PDPR: variants seen among roughly 807,000 people sequenced by gnomAD.
The protein encoded by PDPR is pyruvate dehydrogenase phosphatase regulatory subunit, mitochondrial.
A neutral mutation model predicts 102.2 loss-of-function variants in PDPR; 50 were observed. That is an observed-to-expected ratio of 0.49 (90% confidence interval 0.39 to 0.62). PDPR has a LOEUF of 0.62. Among genes scored for constraint, PDPR ranks in the 20% least tolerant of loss-of-function variants. The pLI is 0.00. For synonymous variants in PDPR, 259 were observed against 406.0 expected (o/e 0.64, Z 4.35); for missense variants, 625 against 1,098.2 (o/e 0.57, Z 6.09).
At position 70,120,669 on chromosome 16, in the gene PDPR, T is replaced by C. The variant is rs1185868713; in HGVS notation, c.177T>C (p.Tyr59=). Residue 59 remains tyrosine (Y), a synonymous_variant, in exon 3 of 19, where the codon TAT becomes TAC. Coordinates refer to ENST00000288050, the MANE Select transcript of PDPR (RefSeq NM_017990.5). ...GAATCACGGGCACTTCTGTGGCCTA[T>C]CACCTCTCCAAAATGGGGTGGAAGG... ...GGGITGTSVA[Y]HLSKMGWKDI... is the part of the protein sequence containing the mutation. 1.9e-5 allele frequency: 30 copies of C among 1,613,718 alleles called. No homozygotes were observed. Among genetic ancestry groups the C allele is most frequent in the Non-Finnish European group, 2.5e-5 (29 of 1,179,786 alleles).
chr16:70,153,476 T>A lies in PDPR; in HGVS notation c.2138T>A (p.Leu713His). 6.2e-7 allele frequency: 1 copy of A among 1,613,592 alleles called. No homozygotes were observed. Among genetic ancestry groups the A allele is most frequent in the Non-Finnish European group, 8.5e-7 (1 of 1,179,736 alleles). Residue 713 changes from leucine to histidine, a missense_variant, in exon 18 of 19, where the codon CTC becomes CAC. Leu to His is a moderately conservative substitution (Grantham distance 99). Coordinates refer to ENST00000288050, the MANE Select transcript of PDPR (RefSeq NM_017990.5). ...RNAGYYALRS[L>H]RIEKFFAFWG... ...GCTGGGTATTACGCTCTTCGCAGTC[T>A]CCGAATTGAGAAGTTTTTTGCCTTC...
chr16:70,162,642 A>G (rs542340300), downstream of PDPR: 77 of 152,960 alleles, frequency 5.0e-4, 1 homozygote, highest in African/African-American at 1.8e-3. Flanking sequence ...TGTGTGTACC[A>G]GTGTGAGGGA....
intron 2 of PDPR, among the ~76,000 whole-genome samples, chr16:70,119,482 C>A (rs1597288001): frequency 1.3e-5 from 2 of 149,978 alleles, no homozygotes; most frequent in South Asian, 4.2e-4. Context: ...CTGTGTGTAA[C>A]TGGCTTCCGC....
rs1264759811 is a variant in PDPR, at chr16:70,143,081, G to A, written c.1605+395G>A. On this transcript the variant is annotated intron_variant, in intron 13 of 18. Transcript: ENST00000288050. ...ATGGTGGCGGGCACTTGTAATCCCA[G>A]CTACTCGGGAGGCAGGAGAATCGCG... 4.6e-5 allele frequency among the ~76,000 whole-genome samples: 7 copies of A among 152,352 alleles called. No homozygotes were observed. In the East Asian group the frequency reaches 1.4e-3, roughly 29 times the overall value.
intron 17 of PDPR, 107 bp from the exon 18 acceptor site, chr16:70,153,284 C>A: frequency 8.1e-7 from 1 of 1,234,484 alleles, no homozygotes; most frequent in Non-Finnish European, 1.1e-6. Flanking sequence ...TTTTATACGC[C>A]TCCTCTCTTG....
At position 70,138,737 on chromosome 16, in the gene PDPR, C is replaced by G. The variant is rs1431303964; in HGVS notation, c.1191-162C>G. Among the ~76,000 whole-genome samples the G allele has an allele frequency of 2.6e-5, 4 of 152,358 alleles. No homozygotes were observed. In the East Asian group the frequency reaches 7.7e-4, roughly 29 times the overall value. ...AGTCTTTTGAGAGCAGTACACAGAC[C>G]CATGTTCGTTTCTTCCAGAAAAGTT... On this transcript the variant is annotated intron_variant, in intron 10 of 18. Coordinates refer to ENST00000288050, the MANE Select transcript of PDPR (RefSeq NM_017990.5).
intron 17 of PDPR, among the ~76,000 whole-genome samples, chr16:70,149,659 G>A (rs973275714): frequency 1.6e-4 from 25 of 152,358 alleles, no homozygotes; most frequent in Non-Finnish European, 3.1e-4. Context: ...TAACAGTGGC[G>A]TAGCATTCCA....
intron 10 of PDPR, among the ~76,000 whole-genome samples, chr16:70,137,508 C>T (rs1395371547): frequency 3.3e-5 from 5 of 152,282 alleles, no homozygotes; most frequent in South Asian, 2.1e-4. Flanking sequence ...TTGCCAGAGG[C>T]GGGGGAGGGG....
At chr16:70,148,249 A>C (rs1966398334) in intron 16 of PDPR, among the ~76,000 whole-genome samples, 1 of 152,246 alleles carries the variant, frequency 6.6e-6, no homozygotes, top group South Asian at 2.1e-4. Flanking sequence ...CTGAGATGGT[A>C]ACAGTAGCAA....
intron 17 of PDPR, 55 bp downstream of exon 17, chr16:70,148,608 TTCCCTTC>T: frequency 2.1e-6 from 2 of 958,022 alleles, no homozygotes; most frequent in Non-Finnish European, 1.6e-6. Context: ...TTCCCTTCCC[TTCCCTTC>T]CCACAACCAC....
At chr16:70,139,845 G>A (rs1347894328) in intron 11 of PDPR, among the ~76,000 whole-genome samples, 2 of 152,260 alleles carry the variant, frequency 1.3e-5, no homozygotes, top group Non-Finnish European at 2.9e-5. Context: ...TGTTGGCTCT[G>A]ACCACCATTC....
intron 17 of PDPR, among the ~76,000 whole-genome samples, chr16:70,150,531 A>ATTTTT (rs71151175): frequency 9.4e-5 from 13 of 138,322 alleles, no homozygotes; most frequent in Admixed American, 1.5e-4. Context: ...TTTTCTCTTA[A>ATTTTT]TTTTTTTTTT....
chr16:70,142,380 C>G lies in PDPR; in HGVS notation c.1462C>G (p.Pro488Ala), dbSNP rs1233180796. 1 of 1,614,002 alleles carries G rather than the reference C, an allele frequency of 6.2e-7. No individual in the cohort carries two copies. The highest frequency in any genetic ancestry group is 1.7e-5 in the Admixed American group (1 of 60,010). ...GFERPKYFVP[P>A]DKDLLALEQS... is the part of the protein sequence containing the mutation. ...TGAGAGGCCAAAGTACTTTGTTCCC[C>G]CCGACAAGGGTAAGAAGTCACATTC... The change falls in exon 12 of 19, where the codon CCC becomes GCC. Residue 488 changes from proline (P) to alanine (A), a missense_variant. This residue lies in a region of PDPR where 34 missense variants were observed against 76.6 expected (regional missense o/e 0.44). Coordinates refer to ENST00000288050, the MANE Select transcript of PDPR (RefSeq NM_017990.5).
At chr16:70,145,537 C>T (rs1966168243) in intron 15 of PDPR, among the ~76,000 whole-genome samples, 1 of 152,252 alleles carries the variant, frequency 6.6e-6, no homozygotes, top group Non-Finnish European at 1.5e-5. Context: ...ACTGATCTTG[C>T]CCCTTGGCCC....
intron 11 of PDPR, among the ~76,000 whole-genome samples, chr16:70,139,435 C>T (rs1473967456): frequency 2.0e-5 from 3 of 152,258 alleles, no homozygotes; most frequent in South Asian, 2.1e-4. Flanking sequence ...TGCTTTCTCA[C>T]TCCCCACTTA....
rs953202728 is a variant in PDPR at position 70,158,867 on chromosome 16, C to G, written c.*1988C>G. On this transcript the variant is annotated 3_prime_UTR_variant, in exon 19 of 19. Coordinates refer to ENST00000288050, the MANE Select transcript of PDPR (RefSeq NM_017990.5). ...CTCCTCTGCTCTTCCAAACACGTAG[C>G]ATTTGCACCCCTCCAAAGCCATCTT... 6 of 152,502 alleles carry G rather than the reference C, an allele frequency of 3.9e-5. No homozygotes were observed. The allele number at this position is 152,502 out of a possible 1,614,324, so 9.4% of individuals were successfully genotyped here. A position where few individuals can be genotyped will look rare whatever the true frequency, so the allele number is the denominator to read the frequency against.
At chr16:70,123,257 G>C (rs1455765595) in intron 3 of PDPR, among the ~76,000 whole-genome samples, 2 of 152,224 alleles carry the variant, frequency 1.3e-5, no homozygotes, top group Non-Finnish European at 2.9e-5. Context: ...ATGTTTTTGA[G>C]ACAGAGTCTC....
In PDPR at chr16:70,138,989, C is replaced by T. The variant is rs1333824925; in HGVS notation, c.1281C>T (p.Arg427=). ...GTTTTGGAGCCCTCCAGAGCAGCCG[C>T]ACCTTTCTGCGCCACCGGGTCATGG... is the stretch of plus-strand genomic sequence containing the variant. The part of the protein sequence containing the change: ...LKRFGALQSS[R]TFLRHRVMEV... The change falls in exon 11 of 19, where the codon CGC becomes CGT. Residue 427 remains arginine (R), a synonymous_variant. Coordinates refer to ENST00000288050, the MANE Select transcript of PDPR (RefSeq NM_017990.5). The T allele has an allele frequency of 6.2e-7, 1 of 1,611,454 alleles. No homozygotes were observed. Among genetic ancestry groups the T allele is most frequent in the Admixed American group, 1.7e-5 (1 of 59,694 alleles).
chr16:70,143,370 A>G (rs1235979446), intron 13 of PDPR, 140 bp from the exon 14 acceptor site: 6 of 1,005,378 alleles, frequency 6.0e-6, no homozygotes, highest in Non-Finnish European at 8.7e-6. Flanking sequence ...AGCTTCTTGC[A>G]GTGGAGTAGG....
Sources: allele counts gnomAD v4.1 joint callset (sites outside exome capture counted in the v4.1 genomes callset), GRCh38; gene constraint gnomAD v4.1.1; regional missense constraint gnomAD v4.1.1; transcripts MANE v1.5; gene names NCBI Gene and HGNC (gene_info 2026-07-23, HGNC 2026-07-21).